AKAP13: variants seen among roughly 807,000 people sequenced by gnomAD.
AKAP13 encodes A-kinase anchor protein 13.
Under a neutral mutation model 264.5 loss-of-function variants are expected in AKAP13, and 80 were observed. That is an observed-to-expected ratio of 0.30 (90% CI 0.25 to 0.36). The LOEUF is 0.36. AKAP13 is among the 10% of genes least tolerant of loss of function. AKAP13 has a pLI of 1.00. For synonymous variants in AKAP13, 1,380 were observed against 1,250.2 expected (o/e 1.10, Z -2.19); for missense variants, 3,712 against 3,435.2 (o/e 1.08, Z -2.01).
Position 85,564,741 on chromosome 15 carries a change from G to A in AKAP13, c.663-10390G>A, listed in dbSNP as rs528843270. ...GTGATGATCTCAAACCATCTTAAAC[G>A]TTGTGAGTAAAAGAGAAGAATATTT... On this transcript the variant is annotated intron_variant, in intron 5 of 36. Transcript: ENST00000394518. Among the ~76,000 whole-genome samples the A allele has an allele frequency of 1.1e-3, 166 of 152,182 alleles. 1 individual carries two copies. Among genetic ancestry groups the A allele is most frequent in the Admixed American group, 9.5e-3 (145 of 15,284 alleles).
At chr15:85,587,187 A>G (rs1205249640) in intron 8 of AKAP13, among the ~76,000 whole-genome samples, 1 of 152,200 alleles carries the variant, frequency 6.6e-6, no homozygotes, top group African/African-American at 2.4e-5. Flanking sequence ...CCCCCAGCTC[A>G]TTAATCTACT....
chr15:85,452,051 T>C (rs2074110733), intron 1 of AKAP13, among the ~76,000 whole-genome samples: 1 of 152,202 alleles, frequency 6.6e-6, no homozygotes, highest in Admixed American at 6.5e-5. Flanking sequence ...GAGGTTTTGT[T>C]CATTCCTTTT....
At chr15:85,642,582 C>T (rs1026325647) in intron 9 of AKAP13, among the ~76,000 whole-genome samples, 3 of 152,188 alleles carry the variant, frequency 2.0e-5, no homozygotes, top group Non-Finnish European at 2.9e-5. Flanking sequence ...TAATGGTTTA[C>T]GGTCCCTCTC....
intron 3 of AKAP13, among the ~76,000 whole-genome samples, chr15:85,530,344 G>A (rs1307953796): frequency 1.3e-5 from 2 of 152,280 alleles, no homozygotes; most frequent in East Asian, 1.9e-4. Context: ...ATGGCTCTTT[G>A]CTGTGTGAAT....
chr15:85,571,941 G>T (rs970268631), intron 5 of AKAP13, among the ~76,000 whole-genome samples: 2 of 152,292 alleles, frequency 1.3e-5, no homozygotes, highest in Admixed American at 1.3e-4. Context: ...GAGATTGAAG[G>T]GTTAGTACCT....
At chr15:85,422,228 G>C (rs1207683781) in intron 1 of AKAP13, among the ~76,000 whole-genome samples, 1 of 152,184 alleles carries the variant, frequency 6.6e-6, no homozygotes, top group Non-Finnish European at 1.5e-5. Flanking sequence ...ATTACAGTAT[G>C]GGGGTGCTGT....
intron 1 of AKAP13, among the ~76,000 whole-genome samples, chr15:85,381,512 G>T: frequency 8.1e-6 from 1 of 123,518 alleles, no homozygotes; most frequent in African/African-American, 2.8e-5. Flanking sequence ...TGGTAAATAC[G>T]GTTTACTGCT....
intron 9 of AKAP13, among the ~76,000 whole-genome samples, 190 bp downstream of exon 9, chr15:85,639,639 G>A (rs2082214212): frequency 6.6e-6 from 1 of 152,188 alleles, no homozygotes; most frequent in Non-Finnish European, 1.5e-5. Context: ...TTTTGTTTTG[G>A]TAGCAACAGA....
intron 8 of AKAP13, among the ~76,000 whole-genome samples, chr15:85,627,238 A>G (rs1381677707): frequency 6.6e-6 from 1 of 152,168 alleles, no homozygotes; most frequent in East Asian, 1.9e-4. Context: ...CATTTGCAGG[A>G]CATATTGTTA....
At chr15:85,675,846 A>G (rs1258943668) in intron 14 of AKAP13, among the ~76,000 whole-genome samples, 1 of 152,204 alleles carries the variant, frequency 6.6e-6, no homozygotes, top group East Asian at 1.9e-4. Context: ...AAGTTGGTCG[A>G]ATAATGATTA....
At chr15:85,534,952 A>G (rs2077345287) in intron 4 of AKAP13, 1 of 152,210 alleles carries the variant, frequency 6.6e-6, no homozygotes, top group Admixed American at 6.5e-5. Context: ...GTCCTGAGAT[A>G]GAAACCAAAA....
At chr15:85,509,849 A>G (rs940222739) in intron 2 of AKAP13, among the ~76,000 whole-genome samples, 2 of 152,216 alleles carry the variant, frequency 1.3e-5, no homozygotes, top group Non-Finnish European at 2.9e-5. Flanking sequence ...CAGGTCTGAG[A>G]GCTGAATGGT....
At chr15:85,613,973 A>G (rs953438904) in intron 8 of AKAP13, among the ~76,000 whole-genome samples, 3 of 152,128 alleles carry the variant, frequency 2.0e-5, no homozygotes, top group Non-Finnish European at 2.9e-5. Context: ...AAATCACAAG[A>G]TTATAGTTTA....
chr15:85,652,992 C>T (rs2082929914), intron 10 of AKAP13, among the ~76,000 whole-genome samples: 1 of 152,116 alleles, frequency 6.6e-6, no homozygotes, highest in African/African-American at 2.4e-5. Context: ...CTGAGAAGGA[C>T]CTGTATCTGA....
intron 1 of AKAP13, among the ~76,000 whole-genome samples, chr15:85,476,872 A>G (rs960300604): frequency 1.1e-4 from 16 of 152,120 alleles, no homozygotes; most frequent in Admixed American, 6.5e-5. Context: ...TTAATTTTTT[A>G]CAGAAGAAAT....
At chr15:85,498,590 A>ATCGGGTCAT (rs6145663) in intron 2 of AKAP13, among the ~76,000 whole-genome samples, 1 of 152,000 alleles carries the variant, frequency 6.6e-6, no homozygotes, top group African/African-American at 2.4e-5. Flanking sequence ...GGTTGATACT[A>ATCGGGTCAT]TTGAAGCTTG....
intron 1 of AKAP13, among the ~76,000 whole-genome samples, chr15:85,459,352 A>ATTT (rs557848037): frequency 7.7e-6 from 1 of 130,676 alleles, no homozygotes. Flanking sequence ...CGCCCGGCTA[A>ATTT]TTTTTTTTTT....
intron 36 of AKAP13, chr15:85,744,071 C>A (rs940188811): frequency 4.0e-6 from 2 of 506,080 alleles, no homozygotes; most frequent in South Asian, 2.8e-5. Context: ...ATTATCCGAT[C>A]GAGGAACTGG....
chr15:85,733,580 G>A (rs2088204618), intron 30 of AKAP13, among the ~76,000 whole-genome samples: 1 of 152,088 alleles, frequency 6.6e-6, no homozygotes, highest in African/African-American at 2.4e-5. Context: ...CTTCTTCAAG[G>A]TCTCCATTTA....
Sources: allele counts gnomAD v4.1 joint callset (sites outside exome capture counted in the v4.1 genomes callset), GRCh38; gene constraint gnomAD v4.1.1; transcripts MANE v1.5; gene names NCBI Gene and HGNC (gene_info 2026-07-23, HGNC 2026-07-21).